The following KNOP1 variants were observed in gnomAD, a reference collection of about 807,000 sequenced individuals.
The protein encoded by KNOP1 is lysine-rich nucleolar protein 1.
A neutral mutation model predicts 30.6 loss-of-function variants in KNOP1; 20 were observed. That is an observed-to-expected ratio of 0.65 (90% CI 0.46 to 0.95). The LOEUF (loss-of-function observed/expected upper bound fraction) is 0.95. Ranked by LOEUF, KNOP1 falls within the 40% of genes least tolerant of loss-of-function variation. KNOP1 has a pLI of 0.00. For synonymous variants in KNOP1, 204 were observed against 210.0 expected, an observed-to-expected ratio of 0.97 and a Z score of 0.25; for missense variants, 540 against 562.0, an observed-to-expected ratio of 0.96 and a Z score of 0.40.
intron 3 of KNOP1, among the ~76,000 whole-genome samples, chr16:19,710,843 A>C (rs1402877607): frequency 1.3e-5 from 2 of 150,268 alleles, no homozygotes; most frequent in East Asian, 3.9e-4. Flanking sequence ...ACTGAGGCTT[A>C]AGAGCTTGCA....
In KNOP1 at chr16:19,707,083, T is replaced by C; in HGVS notation, c.1204A>G (p.Met402Val). The change falls in exon 5 of 5, where the codon ATG (methionine) becomes GTG (valine). Residue 402 changes from methionine to valine, a missense_variant. Physicochemically the swap from Met to Val is conservative, Grantham distance 21 (BLOSUM62 1). Transcript: ENST00000219837. ...RPASTIARPN[M>V]ALGKKAADSL... ...TCAGCCGCCTTCTTGCCGAGGGCCA[T>C]GTTGGGCCTTGCAATCGTGCTGGCG... The C allele has an allele frequency of 1.2e-6, 2 of 1,614,192 alleles. No homozygotes were observed. The highest frequency in any genetic ancestry group is 2.2e-5 in the East Asian group (1 of 44,874).
In KNOP1 at chr16:19,710,797, TCCTCTTTAG is replaced by T. The variant is rs1166462815; in HGVS notation, c.988-220_988-212del. The stretch of plus-strand genomic sequence containing the variant: ...GGCCTACACTGGGCAGGCTCATTTA[TCCTCTTTAG>T]CCTCTTAAGAATGAATTTTCCTAGA... On this transcript the variant is annotated intron_variant, in intron 3 of 4. Coordinates refer to ENST00000219837, the MANE Select transcript of KNOP1 (RefSeq NM_001012991.3). Among the ~76,000 whole-genome samples the T allele has an allele frequency of 2.6e-5, 4 of 151,898 alleles. No individual in the cohort carries two copies. In the East Asian group the frequency reaches 7.8e-4, roughly 29 times the overall value.
intron 4 of KNOP1, 51 bp from the exon 5 acceptor site, chr16:19,707,272 C>G (rs755306368): frequency 1.3e-6 from 2 of 1,519,198 alleles, no homozygotes; most frequent in Non-Finnish European, 1.8e-6. Flanking sequence ...AAAGCCCTTT[C>G]CTTCCCTTGA....
chr16:19,717,400 C>T (rs4782270), intron 1 of KNOP1: 52,637 of 701,474 alleles, frequency 0.075, 14,194 homozygotes, highest in African/African-American at 0.74. Flanking sequence ...AATAGGGGAG[C>T]AGTCAAGAGA....
At position 19,714,748 on chromosome 16, in the gene KNOP1, T is replaced by C; in HGVS notation, c.288A>G (p.Ser96=). ...CAAACACCTGCTTCCTGAGGCTGGG[T>C]GACTTCTCTGTCCGTCTAGCAGGCA... ...TTLPARRTEK[S]PSLRKQVFGH... is the part of the protein sequence containing the mutation. The change falls in exon 2 of 5, where the codon TCA becomes TCG. Residue 96 remains serine (S), a synonymous_variant. Coordinates refer to ENST00000219837, the MANE Select transcript of KNOP1 (RefSeq NM_001012991.3). 2 of 1,614,198 alleles carry C rather than the reference T, an allele frequency of 1.2e-6. No homozygotes were observed. The highest frequency in any genetic ancestry group is 1.7e-6 in the Non-Finnish European group (2 of 1,180,044).
chr16:19,702,990 A>G lies in KNOP1; in HGVS notation c.*3920T>C. On this transcript the variant is annotated 3_prime_UTR_variant, in exon 5 of 5. Transcript: ENST00000219837. Reference sequence around the variant, plus strand: ...AGCCTGGGCGTGGAGTGAGAGTGAGACTGTCTCAAAAAAAAAAAAAGAAAG... The same window carrying G: ...AGCCTGGGCGTGGAGTGAGAGTGAGGCTGTCTCAAAAAAAAAAAAAGAAAG... The G allele has an allele frequency of 6.8e-6, 1 of 147,636 alleles. No individual in the cohort carries two copies. Among genetic ancestry groups the G allele is most frequent in the Non-Finnish European group, 1.5e-5 (1 of 67,754 alleles). 9.1% of individuals were successfully genotyped at this position (147,636 alleles called of 1,614,324 possible).
In KNOP1 at chr16:19,718,069, G is replaced by T. The variant is rs148619309; in HGVS notation, c.-3+89C>A. On this transcript the variant is annotated intron_variant, in intron 1 of 4. Transcript: ENST00000219837. ...TCGGATTCAGGGATGTGGGTGGACC[G>T]CATTTCCCCATCTTCCCCGCCGCGC... is the stretch of plus-strand genomic sequence containing the variant. The T allele has an allele frequency of 1.9e-5, 27 of 1,420,930 alleles. 1 individual carries two copies. Among genetic ancestry groups the T allele is most frequent in the Non-Finnish European group, 2.4e-5 (26 of 1,091,510 alleles). 88.0% of individuals were successfully genotyped at this position (1,420,930 alleles called of 1,614,324 possible). A position where few individuals can be genotyped will look rare whatever the true frequency, so the allele number is the denominator to read the frequency against.
intron 1 of KNOP1, 69 bp from the exon 2 acceptor site, chr16:19,715,106 C>G: frequency 8.6e-7 from 1 of 1,160,778 alleles, no homozygotes; most frequent in South Asian, 1.6e-5. Context: ...TAAGCATTGC[C>G]AAGAGCCATG....
At position 19,702,732 on chromosome 16, in the gene KNOP1, C is replaced by G. The variant is rs910054201; in HGVS notation, c.*4178G>C. ...TGGGGCCTGGGTGCGGTGGCTCATGCCTGTAATACCAACACTTTGGGAGGC... is the reference window on the plus strand; with the variant it reads ...TGGGGCCTGGGTGCGGTGGCTCATGGCTGTAATACCAACACTTTGGGAGGC... On this transcript the variant is annotated 3_prime_UTR_variant, in exon 5 of 5. Transcript: ENST00000219837. The G allele has an allele frequency of 3.3e-5, 5 of 152,182 alleles. No individual in the cohort carries two copies. Among genetic ancestry groups the G allele is most frequent in the Admixed American group, 6.5e-5 (1 of 15,270 alleles). The allele number at this position is 152,182 out of a possible 1,614,324, so 9.4% of individuals were successfully genotyped here.
intron 4 of KNOP1, among the ~76,000 whole-genome samples, chr16:19,708,203 C>A (rs781167434): frequency 1.5e-3 from 223 of 151,630 alleles, no homozygotes; most frequent in Non-Finnish European, 2.8e-3. Context: ...TGCGGGCCCA[C>A]AGGGGTAAAA....
rs1386117508 is a variant in KNOP1, at chr16:19,708,687, T to A, written c.1066-1466A>T. Among the ~76,000 whole-genome samples the A allele has an allele frequency of 3.9e-5, 6 of 152,280 alleles. No individual in the cohort carries two copies. In the South Asian group the frequency reaches 1.2e-3, roughly 32 times the overall value. Reference sequence around the variant, plus strand: ...GCCCAGCACTTATTTCTGGGTTGGCTTTGGGAAAATAAGAACCAGTTGTCA... The same window carrying A: ...GCCCAGCACTTATTTCTGGGTTGGCATTGGGAAAATAAGAACCAGTTGTCA... On this transcript the variant is annotated intron_variant, in intron 4 of 4. Transcript: ENST00000219837.
intron 1 of KNOP1, chr16:19,717,803 G>C: frequency 2.0e-6 from 2 of 997,664 alleles, no homozygotes; most frequent in Non-Finnish European, 2.4e-6. Flanking sequence ...ACGGAGACTG[G>C]AATTCCGCCC....
At chr16:19,713,463 T>C (rs1976822709) in intron 2 of KNOP1, among the ~76,000 whole-genome samples, 1 of 152,194 alleles carries the variant, frequency 6.6e-6, no homozygotes, top group South Asian at 2.1e-4. Context: ...GCCCTGAGAC[T>C]TCTGTCATAG....
chr16:19,712,870 A>G (rs1348828338), intron 2 of KNOP1, among the ~76,000 whole-genome samples: 1 of 152,130 alleles, frequency 6.6e-6, no homozygotes, highest in Non-Finnish European at 1.5e-5. Context: ...TCAGCTGGGA[A>G]AGGCTGTGGG....
intron 4 of KNOP1, chr16:19,710,148 C>T (rs1000764947): frequency 6.2e-6 from 2 of 323,928 alleles, no homozygotes; most frequent in Non-Finnish European, 1.2e-5. Context: ...CTCCCCTCTG[C>T]CTCTTGTCCC....
In KNOP1 at chr16:19,704,116, C is replaced by T. The variant is rs571218526; in HGVS notation, c.*2794G>A. ...TTTGTTTTTGAGACAGAGTCTCATT[C>T]TGTTGCCCGGGGCTAGAGTGTGCAG... On this transcript the variant is annotated 3_prime_UTR_variant, in exon 5 of 5. Coordinates refer to ENST00000219837, the MANE Select transcript of KNOP1 (RefSeq NM_001012991.3). The T allele has an allele frequency of 5.9e-5, 9 of 152,406 alleles. No homozygotes were observed. The South Asian group carries it at 1.9e-3, about 32-fold the overall frequency. 9.4% of individuals were successfully genotyped at this position (152,406 alleles called of 1,614,324 possible). A position where few individuals can be genotyped will look rare whatever the true frequency, so the allele number is the denominator to read the frequency against.
chr16:19,717,902 C>T (rs1977266186), intron 1 of KNOP1: 1 of 1,079,724 alleles, frequency 9.3e-7, no homozygotes, highest in Non-Finnish European at 1.1e-6. Context: ...AAGATCCGTA[C>T]CTCCAAGGCT....
chr16:19,711,838 A>G (rs1200782729), intron 2 of KNOP1: 7 of 220,706 alleles, frequency 3.2e-5, no homozygotes, highest in Admixed American at 2.5e-4. Flanking sequence ...CAAGGACCAC[A>G]CTAACATGCA....
At chr16:19,716,857 TTG>T (rs1438737275) in intron 1 of KNOP1, among the ~76,000 whole-genome samples, 1 of 152,216 alleles carries the variant, frequency 6.6e-6, no homozygotes, top group Admixed American at 6.5e-5. Flanking sequence ...ACCTAATTTT[TTG>T]TGAGACAAGG....
Sources: gnomAD v4.1 joint callset for allele counts (sites outside exome capture counted in the v4.1 genomes callset) on GRCh38, gnomAD v4.1.1 for gene constraint, MANE v1.5 for transcripts, NCBI Gene and HGNC (gene_info 2026-07-23, HGNC 2026-07-21) for gene names.